Variants in GLIS1 observed in about 807,000 individuals in gnomAD.
GLIS1 encodes GLIS family zinc finger 1, also known as zinc finger protein GLIS1.
Under a neutral mutation model 63.8 loss-of-function variants are expected in GLIS1, and 24 were observed. The observed-to-expected ratio is 0.38, with a 90% CI of 0.27 to 0.53. The LOEUF (loss-of-function observed/expected upper bound fraction) is 0.53. Among genes scored for constraint, GLIS1 ranks in the 20% least tolerant of loss-of-function variants. The pLI, the probability that GLIS1 is intolerant of heterozygous loss-of-function variation, is 0.85. For missense variants in GLIS1, 1,036 were observed against 1,074.1 expected (o/e 0.96, Z 0.50); for synonymous variants, 450 against 482.5 (o/e 0.93, Z 0.88).
rs773596730 is a variant in GLIS1, at chr1:53,594,931, T to C, written c.497A>G (p.Lys166Arg). 2.7e-6 allele frequency: 4 copies of C among 1,497,256 alleles called. No individual in the cohort carries two copies. The highest frequency in any genetic ancestry group is 3.5e-6 in the Non-Finnish European group (4 of 1,131,682). 92.7% of individuals were successfully genotyped at this position (1,497,256 alleles called of 1,614,324 possible). The change falls in exon 4 of 11, where the codon AAA (lysine) becomes AGA (arginine). Residue 166 changes from lysine to arginine, a missense_variant. This residue lies in a region of GLIS1 where 592 missense variants were observed against 593.9 expected (regional missense o/e 1.00). Coordinates refer to ENST00000628545, the MANE Select transcript of GLIS1 (RefSeq NM_001367484.1). ...NGSLPTTQHI[K>R]QESLPDYQAM... Reference sequence around the variant, plus strand: ...TTGGTAGTCGGGCAAGGACTCCTGTTTGATGTGTTGTGTGGTTGGGAGGCT... The same window carrying C: ...TTGGTAGTCGGGCAAGGACTCCTGTCTGATGTGTTGTGTGGTTGGGAGGCT...
intron 2 of GLIS1, among the ~76,000 whole-genome samples, chr1:53,674,171 CAA>C (rs11297748): frequency 0.04 from 3,735 of 94,068 alleles, 62 homozygotes; most frequent in African/African-American, 0.1. Context: ...GACTCTGTCT[CAA>C]AAAAAAAAAA....
At chr1:53,622,448 A>AAAAAAAAG (rs1453765493) in intron 2 of GLIS1, among the ~76,000 whole-genome samples, 24 of 135,408 alleles carry the variant, frequency 1.8e-4, no homozygotes, top group Non-Finnish European at 3.4e-4. Flanking sequence ...AAAAAAAAAA[A>AAAAAAAAG]AAGAAGAAGA....
chr1:53,721,819 G>A (rs1646758759), intron 2 of GLIS1, among the ~76,000 whole-genome samples: 1 of 151,904 alleles, frequency 6.6e-6, no homozygotes, highest in African/African-American at 2.4e-5. Flanking sequence ...AGAAAATCTT[G>A]GAAATATGAC....
At chr1:53,630,952 T>A (rs1645645948) in intron 2 of GLIS1, among the ~76,000 whole-genome samples, 1 of 152,250 alleles carries the variant, frequency 6.6e-6, no homozygotes, top group African/African-American at 2.4e-5. Flanking sequence ...CTATCTGTAT[T>A]TCTTCCTCTG....
At chr1:53,702,868 G>A (rs989097428) in intron 2 of GLIS1, among the ~76,000 whole-genome samples, 4 of 152,208 alleles carry the variant, frequency 2.6e-5, no homozygotes, top group Non-Finnish European at 4.4e-5. Context: ...TGCCCACAGG[G>A]CTGTGGGAGC....
intron 2 of GLIS1, among the ~76,000 whole-genome samples, chr1:53,686,563 A>G (rs151112865): frequency 6.6e-6 from 1 of 152,294 alleles, no homozygotes; most frequent in East Asian, 1.9e-4. Context: ...CTCCTTGGGA[A>G]GCTCACAGAC....
chr1:53,657,736 C>A (rs1645982452), intron 2 of GLIS1, among the ~76,000 whole-genome samples: 1 of 152,166 alleles, frequency 6.6e-6, no homozygotes, highest in East Asian at 1.9e-4. Flanking sequence ...ACCAAAGGGA[C>A]CCCAGTTGAT....
chr1:53,553,120 C>T (rs997094779), intron 4 of GLIS1, among the ~76,000 whole-genome samples: 15 of 152,316 alleles, frequency 9.8e-5, no homozygotes, highest in Admixed American at 9.2e-4. Flanking sequence ...ATGGCTCGTC[C>T]GGAAGATGTA....
chr1:53,578,840 G>T (rs1426528664), intron 4 of GLIS1, among the ~76,000 whole-genome samples: 4 of 152,188 alleles, frequency 2.6e-5, no homozygotes, highest in Non-Finnish European at 5.9e-5. Flanking sequence ...GAGCAGAGTA[G>T]AACATTGCAA....
At position 53,506,468 on chromosome 1, in the gene GLIS1, T is replaced by TG. The variant is rs1341564869; in HGVS notation, c.*150dup. The TG allele has an allele frequency of 8.0e-6, 6 of 752,146 alleles. No homozygotes were observed. In the East Asian group the frequency reaches 1.4e-4, roughly 17 times the overall value. 46.6% of individuals were successfully genotyped at this position (752,146 alleles called of 1,614,324 possible). A position where few individuals can be genotyped will look rare whatever the true frequency, so the allele number is the denominator to read the frequency against. ...ATGGCGGCTCCCTGGCAGCGCTGGG[T>TG]GGGGTGGCAGCGCTGGCTCCCCTGG... is the stretch of plus-strand genomic sequence containing the variant. On this transcript the variant is annotated 3_prime_UTR_variant, in exon 11 of 11. Coordinates refer to ENST00000628545, the MANE Select transcript of GLIS1 (RefSeq NM_001367484.1).
At position 53,511,548 on chromosome 1, in the gene GLIS1, G is replaced by A; in HGVS notation, c.1884-1521C>T. On this transcript the variant is annotated intron_variant, in intron 8 of 10. Coordinates refer to ENST00000628545, the MANE Select transcript of GLIS1 (RefSeq NM_001367484.1). The surrounding 1 kb of genome is among the most constrained non-coding windows in gnomAD (Gnocchi z 4.2). Reference sequence around the variant, plus strand: ...CAGGGGAAGCAGGGCCTCGGTGCTGGGTCCCTGGCCCGGCCACTGATACAC... The same window carrying A: ...CAGGGGAAGCAGGGCCTCGGTGCTGAGTCCCTGGCCCGGCCACTGATACAC... Among the ~76,000 whole-genome samples the A allele has an allele frequency of 6.6e-6, 1 of 152,170 alleles. No homozygotes were observed. The highest frequency in any genetic ancestry group is 1.9e-4 in the East Asian group (1 of 5,182).
chr1:53,670,339 C>T (rs1256797385), intron 2 of GLIS1, among the ~76,000 whole-genome samples: 2 of 152,266 alleles, frequency 1.3e-5, no homozygotes, highest in African/African-American at 4.8e-5. Context: ...AGACTCCTCC[C>T]GACAGACCCC....
chr1:53,529,988 G>C lies in GLIS1; in HGVS notation c.1321-36C>G, dbSNP rs113459226. 5 of 1,599,532 alleles carry C rather than the reference G, an allele frequency of 3.1e-6. No individual in the cohort carries two copies. In the South Asian group the frequency reaches 3.3e-5, roughly 11 times the overall value. ...GGCTGGTGAGGGGAACTCCCAGCCC[G>C]GTGGGCACCCCAACCCTGCATGGAA... On this transcript the variant is annotated intron_variant, in intron 4 of 10. Transcript: ENST00000628545.
rs1645846517 is a variant in GLIS1, at chr1:53,646,579, G to A, written c.260-46301C>T. Reference sequence around the variant, plus strand: ...AATTCCAGCGCTTTGGGAGGCTAAGGTGGGTGGATCAGTTGAGGTCAGGAG... The same window carrying A: ...AATTCCAGCGCTTTGGGAGGCTAAGATGGGTGGATCAGTTGAGGTCAGGAG... On this transcript the variant is annotated intron_variant, in intron 2 of 10. Coordinates refer to ENST00000628545, the MANE Select transcript of GLIS1 (RefSeq NM_001367484.1). This position sits in a 1 kb window ranked among gnomAD's most constrained non-coding sequence, Gnocchi z 4.2. Among the ~76,000 whole-genome samples the A allele has an allele frequency of 6.6e-6, 1 of 152,182 alleles. No homozygotes were observed. The highest frequency in any genetic ancestry group is 1.5e-5 in the Non-Finnish European group (1 of 68,036).
chr1:53,626,626 T>C (rs567678072), intron 2 of GLIS1, among the ~76,000 whole-genome samples: 8 of 152,266 alleles, frequency 5.3e-5, no homozygotes, highest in African/African-American at 1.4e-4. Context: ...TTGGTCTATT[T>C]TGATGACAAC....
chr1:53,659,416 G>C (rs1646002623), intron 2 of GLIS1, among the ~76,000 whole-genome samples: 3 of 152,194 alleles, frequency 2.0e-5, no homozygotes, highest in African/African-American at 7.2e-5. Context: ...TAACCTCTTA[G>C]ATTAGAGAAT....
At chr1:53,512,705 G>A (rs796756415) in intron 8 of GLIS1, among the ~76,000 whole-genome samples, 4 of 152,278 alleles carry the variant, frequency 2.6e-5, no homozygotes, top group African/African-American at 9.6e-5. Flanking sequence ...CGGGGGTCCC[G>A]TCTTGTCATC....
At chr1:53,545,297 G>A (rs1644686624) in intron 4 of GLIS1, among the ~76,000 whole-genome samples, 1 of 152,324 alleles carries the variant, frequency 6.6e-6, no homozygotes, top group Non-Finnish European at 1.5e-5. Context: ...CCCAAGGACA[G>A]GGGGCCTGAT....
intron 4 of GLIS1, among the ~76,000 whole-genome samples, chr1:53,550,856 T>A (rs550853825): frequency 2.4e-4 from 36 of 152,192 alleles, no homozygotes; most frequent in African/African-American, 8.2e-4. Flanking sequence ...TATTTTTATT[T>A]ATTTATTTTT....
Sources: gnomAD v4.1 joint callset for allele counts (sites outside exome capture counted in the v4.1 genomes callset) on GRCh38, gnomAD v4.1.1 for gene constraint, gnomAD v4.1.1 regional missense constraint, Gnocchi (gnomAD v3.1) non-coding constraint, MANE v1.5 for transcripts, NCBI Gene and HGNC (gene_info 2026-07-23, HGNC 2026-07-21) for gene names.